The following PLCL1 variants were observed in gnomAD, a reference collection of about 807,000 sequenced individuals.
PLCL1 encodes phospholipase C like 1 (inactive).
Under a neutral mutation model 84.4 loss-of-function variants are expected in PLCL1, and 41 were observed. That is an observed-to-expected ratio of 0.49 (90% CI 0.38 to 0.63). PLCL1 has a LOEUF of 0.63. Ranked by LOEUF, PLCL1 falls within the 30% of genes least tolerant of loss-of-function variation. The probability of loss-of-function intolerance (pLI) is 0.00; values close to 1 mark genes in which losing one functional copy is unlikely to be tolerated. For missense variants in PLCL1, 1,206 were observed against 1,367.8 expected, an observed-to-expected ratio of 0.88 and a Z score of 1.87; for synonymous variants, 490 against 488.3, an observed-to-expected ratio of 1.00 and a Z score of -0.05.
intron 1 of PLCL1, among the ~76,000 whole-genome samples, chr2:198,068,649 CTT>C (rs1180200500): frequency 1.3e-5 from 2 of 152,188 alleles, no homozygotes; most frequent in Non-Finnish European, 2.9e-5. Flanking sequence ...TGTTAAATAT[CTT>C]TGTGTTCAGA....
chr2:198,078,516 C>T (rs1022321885), intron 1 of PLCL1, among the ~76,000 whole-genome samples: 2 of 152,142 alleles, frequency 1.3e-5, no homozygotes, highest in Non-Finnish European at 2.9e-5. Context: ...TTAGTATAAT[C>T]TATTAAATTT....
intron 1 of PLCL1, among the ~76,000 whole-genome samples, chr2:197,923,962 C>T (rs2105759065): frequency 6.6e-6 from 1 of 151,610 alleles, no homozygotes; most frequent in Non-Finnish European, 1.5e-5. Context: ...TGGAGACCGG[C>T]CCGGCCAACA....
chr2:198,069,682 A>G (rs1425371599), intron 1 of PLCL1, among the ~76,000 whole-genome samples: 1 of 152,218 alleles, frequency 6.6e-6, no homozygotes, highest in Non-Finnish European at 1.5e-5. Flanking sequence ...TTGAAAAAAT[A>G]TATTGACAAC....
At position 198,085,921 on chromosome 2, in the gene PLCL1, G is replaced by A. The variant is rs1195952604; in HGVS notation, c.2404G>A (p.Asp802Asn). The A allele has an allele frequency of 6.2e-7, 1 of 1,614,068 alleles. No individual in the cohort carries two copies. Among genetic ancestry groups the A allele is most frequent in the Non-Finnish European group, 8.5e-7 (1 of 1,179,974 alleles). Residue 802 changes from aspartate to asparagine, a missense_variant, in exon 2 of 6, where the codon GAC (aspartate) becomes AAC (asparagine). Asp to Asn is a conservative substitution (Grantham distance 23). Transcript: ENST00000428675. This position sits in a 1 kb window ranked among gnomAD's most constrained non-coding sequence, Gnocchi z 5.3. ...AMIRFVVLDD[D>N]YIGDEFIGQY... is the part of the protein sequence containing the mutation. ...GATCCGTTTTGTTGTTCTGGATGAT[G>A]ACTACATTGGGGATGAGTTTATAGG...
At chr2:197,944,356 A>G (rs1262150187) in intron 1 of PLCL1, among the ~76,000 whole-genome samples, 1 of 152,000 alleles carries the variant, frequency 6.6e-6, no homozygotes, top group Non-Finnish European at 1.5e-5. Context: ...CAGTGTCTCT[A>G]TTTTCAGCAG....
intron 1 of PLCL1, among the ~76,000 whole-genome samples, chr2:198,068,796 C>T (rs1442773709): frequency 6.6e-5 from 10 of 151,690 alleles, no homozygotes; most frequent in South Asian, 2.1e-4. Flanking sequence ...CCGAGGTGGA[C>T]GGATCATCTG....
At chr2:197,973,686 A>G (rs1474131705) in intron 1 of PLCL1, among the ~76,000 whole-genome samples, 1 of 152,194 alleles carries the variant, frequency 6.6e-6, no homozygotes, top group Non-Finnish European at 1.5e-5. Flanking sequence ...GGGAAAAGGA[A>G]GAAGTCCAGT....
At chr2:198,066,447 C>A (rs1692321357) in intron 1 of PLCL1, among the ~76,000 whole-genome samples, 2 of 152,016 alleles carry the variant, frequency 1.3e-5, no homozygotes, top group African/African-American at 2.4e-5. Context: ...TTGCTCCCAA[C>A]CCAGTTCATC....
At chr2:197,988,977 G>A (rs375358818) in intron 1 of PLCL1, among the ~76,000 whole-genome samples, 1 of 152,240 alleles carries the variant, frequency 6.6e-6, no homozygotes, top group African/African-American at 2.4e-5. Flanking sequence ...TAATTTCTAG[G>A]ATGGATTATA....
At chr2:197,874,910 T>G (rs928763536) in intron 1 of PLCL1, among the ~76,000 whole-genome samples, 14 of 152,208 alleles carry the variant, frequency 9.2e-5, no homozygotes, top group African/African-American at 3.4e-4. Context: ...GTGATGAAAA[T>G]GAGTGAACTA....
intron 5 of PLCL1, among the ~76,000 whole-genome samples, chr2:198,116,876 A>T (rs1255757866): frequency 6.6e-6 from 1 of 151,854 alleles, no homozygotes; most frequent in African/African-American, 2.4e-5. Context: ...AAAGTCTTTG[A>T]GTGTTTATTT....
intron 1 of PLCL1, among the ~76,000 whole-genome samples, chr2:197,891,598 G>A (rs188213247): frequency 6.7e-6 from 1 of 149,540 alleles, no homozygotes; most frequent in East Asian, 2.0e-4. Context: ...TTTGATAGGT[G>A]AAGTCATTGA....
rs529307398 is a variant in PLCL1 at position 198,142,189 on chromosome 2, A to C, written c.3106-4591A>C. Among the ~76,000 whole-genome samples the C allele has an allele frequency of 2.0e-5, 3 of 152,218 alleles. 1 individual carries two copies. The South Asian group carries it at 6.2e-4, about 32-fold the overall frequency. Reference sequence around the variant, plus strand: ...AAAATGGAAGTAACAGAAATCCTAAATATCTTTTGATGGGTTATAAGATAT... The same window carrying C: ...AAAATGGAAGTAACAGAAATCCTAACTATCTTTTGATGGGTTATAAGATAT... On this transcript the variant is annotated intron_variant, in intron 5 of 5. Transcript: ENST00000428675.
At chr2:197,890,841 A>ATT (rs1688011733) in intron 1 of PLCL1, among the ~76,000 whole-genome samples, 1 of 22,214 alleles carries the variant, frequency 4.5e-5, no homozygotes, top group Non-Finnish European at 8.5e-5. Flanking sequence ...GCATATATAT[A>ATT]TGCACGCATA....
At chr2:198,124,209 C>T (rs1260400072) in intron 5 of PLCL1, among the ~76,000 whole-genome samples, 1 of 152,102 alleles carries the variant, frequency 6.6e-6, no homozygotes, top group African/African-American at 2.4e-5. Context: ...GCAGATAGGA[C>T]AGTCTCCTTA....
At chr2:197,886,755 G>A (rs1687932416) in intron 1 of PLCL1, among the ~76,000 whole-genome samples, 1 of 152,154 alleles carries the variant, frequency 6.6e-6, no homozygotes, top group Non-Finnish European at 1.5e-5. Context: ...CTCTTGGGTG[G>A]ATATTTGCAT....
At chr2:198,034,015 C>T (rs1691494852) in intron 1 of PLCL1, among the ~76,000 whole-genome samples, 2 of 151,984 alleles carry the variant, frequency 1.3e-5, no homozygotes, top group African/African-American at 2.4e-5. Context: ...TATTATTATA[C>T]TTTAAGTTCT....
chr2:197,943,854 G>A (rs1401090), intron 1 of PLCL1, among the ~76,000 whole-genome samples: 77,151 of 151,834 alleles, frequency 0.51, 20,309 homozygotes, highest in African/African-American at 0.63. Context: ...ACAGTGTTCT[G>A]TGTGGTCAAA....
At chr2:197,979,213 G>T (rs560327194) in intron 1 of PLCL1, among the ~76,000 whole-genome samples, 19 of 152,270 alleles carry the variant, frequency 1.2e-4, no homozygotes, top group African/African-American at 4.3e-4. Flanking sequence ...ACATGATTTT[G>T]CTTGGAAAAA....
Sources: allele counts gnomAD v4.1 joint callset (sites outside exome capture counted in the v4.1 genomes callset), GRCh38; gene constraint gnomAD v4.1.1; non-coding constraint Gnocchi (gnomAD v3.1); transcripts MANE v1.5; gene names NCBI Gene and HGNC (gene_info 2026-07-23, HGNC 2026-07-21).